Variants in ATXN7L2 observed in about 807,000 individuals in gnomAD.
ATXN7L2 encodes ataxin-7-like protein 2.
A neutral mutation model predicts 59.6 loss-of-function variants in ATXN7L2; 17 were observed. That is an observed-to-expected ratio of 0.29 (90% CI 0.20 to 0.43). The LOEUF is 0.43. Among genes scored for constraint, ATXN7L2 ranks in the 20% least tolerant of loss-of-function variants. The probability of loss-of-function intolerance (pLI) is 1.00; values close to 1 mark genes in which losing one functional copy is unlikely to be tolerated. For synonymous variants in ATXN7L2, 378 were observed against 392.5 expected (o/e 0.96, Z 0.44); for missense variants, 858 against 1,008.9 (o/e 0.85, Z 2.03).
intron 1 of ATXN7L2, chr1:109,485,633 T>G (rs919283972): frequency 2.0e-6 from 2 of 986,970 alleles, no homozygotes; most frequent in Non-Finnish European, 2.4e-6. Flanking sequence ...CAGGGACTTA[T>G]AGAAACATTG....
intron 1 of ATXN7L2, chr1:109,485,169 T>G: frequency 1.4e-6 from 1 of 730,278 alleles, no homozygotes; most frequent in Non-Finnish European, 1.7e-6. Flanking sequence ...CTGGGTGCAT[T>G]GAGAACCGGA....
intron 1 of ATXN7L2, chr1:109,485,421 C>A: frequency 2.0e-6 from 2 of 985,422 alleles, no homozygotes; most frequent in Non-Finnish European, 2.4e-6. Context: ...TGAAGATGCT[C>A]AAGGACCAAA....
chr1:109,487,242 A>G, intron 4 of ATXN7L2, 25 bp downstream of exon 4: 1 of 1,491,532 alleles, frequency 6.7e-7, no homozygotes, highest in Non-Finnish European at 9.0e-7. Flanking sequence ...GAAACTTTCT[A>G]AGACTGGCCC....
At chr1:109,489,358 T>C (rs1308901304) in intron 7 of ATXN7L2, 2 of 528,678 alleles carry the variant, frequency 3.8e-6, no homozygotes, top group East Asian at 3.2e-5. Context: ...CCCAGCTGCC[T>C]CCAACAGACC....
chr1:109,488,547 A>G lies in ATXN7L2; in HGVS notation c.879+82A>G. 1.4e-6 allele frequency: 2 copies of G among 1,435,182 alleles called. No individual in the cohort carries two copies. Among genetic ancestry groups the G allele is most frequent in the Non-Finnish European group, 1.9e-6 (2 of 1,040,616 alleles). 88.9% of individuals were successfully genotyped at this position (1,435,182 alleles called of 1,614,324 possible). On this transcript the variant is annotated intron_variant, in intron 6 of 10. Coordinates refer to ENST00000683729, the MANE Select transcript of ATXN7L2 (RefSeq NM_001350175.2). The surrounding 1 kb of genome is among the most constrained non-coding windows in gnomAD (Gnocchi z 5.0). ...TCCCTGGGCAAAGAGAGGAATGTCG[A>G]TGTTACTGAAGGTCCAGCTTAAGGG...
At chr1:109,485,456 C>T (rs1035077264) in intron 1 of ATXN7L2, 5 of 985,304 alleles carry the variant, frequency 5.1e-6, no homozygotes, top group Non-Finnish European at 6.0e-6. Flanking sequence ...TGCTCTGTGA[C>T]CATCCTATCA....
chr1:109,489,230 C>T (rs1021538205), intron 7 of ATXN7L2, 130 bp downstream of exon 7: 2 of 1,245,950 alleles, frequency 1.6e-6, no homozygotes, highest in Non-Finnish European at 2.2e-6. Context: ...GGGGGTATTC[C>T]TGGGGCTCCT....
chr1:109,486,631 G>T lies in ATXN7L2; in HGVS notation c.298+21G>T, dbSNP rs748475590. On this transcript the variant is annotated intron_variant, in intron 3 of 10. Coordinates refer to ENST00000683729, the MANE Select transcript of ATXN7L2 (RefSeq NM_001350175.2). This position sits in a 1 kb window ranked among gnomAD's most constrained non-coding sequence, Gnocchi z 4.3. The stretch of plus-strand genomic sequence containing the variant: ...CTGCGGTGAGGGGAGCCCTAGGGAG[G>T]AGATAAAGGGACAGGGGAAGGTGGA... 7 of 1,590,156 alleles carry T rather than the reference G, an allele frequency of 4.4e-6. No homozygotes were observed. The highest frequency in any genetic ancestry group is 5.2e-6 in the Non-Finnish European group (6 of 1,158,658).
chr1:109,484,152 C>T, intron 1 of ATXN7L2, 72 bp downstream of exon 1: 3 of 1,269,814 alleles, frequency 2.4e-6, no homozygotes, highest in Non-Finnish European at 3.0e-6. Context: ...CCCCCGCCAG[C>T]TGAGGGGAGC....
intron 9 of ATXN7L2, 28 bp downstream of exon 9, chr1:109,490,420 T>G (rs1328679334): frequency 2.5e-6 from 4 of 1,607,286 alleles, no homozygotes; most frequent in Non-Finnish European, 3.4e-6. Flanking sequence ...AGAATGGAAG[T>G]TCTAGAATGG....
intron 9 of ATXN7L2, 91 bp from the exon 10 acceptor site, chr1:109,490,831 T>G (rs1656991060): frequency 7.2e-7 from 1 of 1,397,750 alleles, no homozygotes; most frequent in African/African-American, 1.4e-5. Context: ...TGACCATTTC[T>G]AGGTGGGGCA....
intron 8 of ATXN7L2, 70 bp downstream of exon 8, chr1:109,490,198 G>A (rs1656934189): frequency 1.9e-6 from 3 of 1,585,342 alleles, no homozygotes; most frequent in Non-Finnish European, 2.6e-6. Flanking sequence ...TGGGGAGGAG[G>A]CCAGATCCTG....
At chr1:109,489,856 G>A (rs766776138) in intron 7 of ATXN7L2, 74 bp from the exon 8 acceptor site, 64 of 1,537,792 alleles carry the variant, frequency 4.2e-5, no homozygotes, top group African/African-American at 3.6e-4. Flanking sequence ...CTTTGAGCTC[G>A]GCAGGTTCAA....
Position 109,487,096 on chromosome 1 carries a change from A to G in ATXN7L2, c.388A>G (p.Asn130Asp), listed in dbSNP as rs925903750. Residue 130 changes from asparagine to aspartate, a missense_variant, in exon 4 of 11, where the codon AAT becomes GAT. Transcript: ENST00000683729. ...PASSQKCHVV[N>D]GQGPACRAPG... ...CAGCTCTCAGAAATGCCATGTAGTG[A>G]ATGGGCAGGGCCCAGCTTGTAGGGC... is the stretch of plus-strand genomic sequence containing the variant. 3.1e-6 allele frequency: 5 copies of G among 1,612,734 alleles called. No homozygotes were observed. In the African/African-American group the frequency reaches 6.7e-5, roughly 22 times the overall value.
At position 109,490,955 on chromosome 1, in the gene ATXN7L2, C is replaced by A; in HGVS notation, c.1488C>A (p.His496Gln). Residue 496 changes from histidine to glutamine, a missense_variant, in exon 10 of 11, where the codon CAC (histidine) becomes CAA (glutamine). His to Gln is a conservative substitution (Grantham distance 24). Coordinates refer to ENST00000683729, the MANE Select transcript of ATXN7L2 (RefSeq NM_001350175.2). ...CACCGGCAGCTGAACCTCCAGCTCA[C>A]CTTGTCAACTCCCCGTTATCTGCTC... Reference protein sequence around the residue: ...KIPPAAEPPAHLVNSPLSAPL... With the variant: ...KIPPAAEPPAQLVNSPLSAPL... 6.3e-7 allele frequency: 1 copy of A among 1,577,002 alleles called. No homozygotes were observed. The highest frequency in any genetic ancestry group is 8.6e-7 in the Non-Finnish European group (1 of 1,159,698).
intron 1 of ATXN7L2, 125 bp downstream of exon 1, chr1:109,484,205 A>C (rs113663439): frequency 3.1e-4 from 298 of 954,690 alleles, no homozygotes; most frequent in Middle Eastern, 1.2e-3. Flanking sequence ...CCCCCAAACA[A>C]AGGACCCGCC....
Position 109,484,079 on chromosome 1 carries a change from C to T in ATXN7L2, c.126C>T (p.Asp42=). 2 of 1,514,084 alleles carry T rather than the reference C, an allele frequency of 1.3e-6. No homozygotes were observed. The highest frequency in any genetic ancestry group is 2.1e-5 in the Admixed American group (1 of 48,548). The allele number at this position is 1,514,084 out of a possible 1,614,324, so 93.8% of individuals were successfully genotyped here. ...WVERADLPAA[D]GAELEESSKN... ...AGCGGGCCGACCTGCCCGCGGCTGACGGTGAGTAAAGCCACCCTAAAGTCC... is the reference window on the plus strand; with the variant it reads ...AGCGGGCCGACCTGCCCGCGGCTGATGGTGAGTAAAGCCACCCTAAAGTCC... Residue 42 remains aspartate, a splice_region_variant and synonymous_variant, in exon 1 of 11, where the codon GAC becomes GAT. Coordinates refer to ENST00000683729, the MANE Select transcript of ATXN7L2 (RefSeq NM_001350175.2).
chr1:109,486,545 TCTA>T lies in ATXN7L2; in HGVS notation c.236_238del (p.Tyr79del). 6.2e-7 allele frequency: 1 copy of T among 1,614,120 alleles called. No homozygotes were observed. Among genetic ancestry groups the T allele is most frequent in the Non-Finnish European group, 8.5e-7 (1 of 1,179,970 alleles). On this transcript the variant is annotated inframe_deletion, in exon 3 of 11. Transcript: ENST00000683729. The surrounding 1 kb of genome is among the most constrained non-coding windows in gnomAD (Gnocchi z 4.3). ...GGGCACTGCCCTGCCCATGATGACT[TCTA>T]CTTGGTTGTGTGTAACCACTGCAGC...
rs147075260 is a variant in ATXN7L2 at position 109,491,578 on chromosome 1, G to T, written c.2111G>T (p.Arg704Leu). ...CLSEEEVAKKRKNLATYCRPV... is the reference protein window; with the variant it reads ...CLSEEEVAKKLKNLATYCRPV... ...TCTGAGGAGGAGGTGGCCAAGAAGC[G>T]GAAAAACCTGGCCACTTATTGCCGG... Residue 704 changes from arginine to leucine, a missense_variant, in exon 10 of 11, where the codon CGG (arginine) becomes CTG (leucine). By Grantham distance (102) the Arg-to-Leu change is moderately radical (BLOSUM62 -2). Coordinates refer to ENST00000683729, the MANE Select transcript of ATXN7L2 (RefSeq NM_001350175.2). The surrounding 1 kb of genome is among the most constrained non-coding windows in gnomAD (Gnocchi z 4.1). The T allele has an allele frequency of 1.9e-6, 3 of 1,613,952 alleles. No homozygotes were observed. The highest frequency in any genetic ancestry group is 2.5e-6 in the Non-Finnish European group (3 of 1,180,034).
Sources: gnomAD v4.1 joint callset for allele counts on GRCh38, gnomAD v4.1.1 for gene constraint, Gnocchi (gnomAD v3.1) non-coding constraint, MANE v1.5 for transcripts, NCBI Gene and HGNC (gene_info 2026-07-23, HGNC 2026-07-21) for gene names.